PAK4: variants seen among roughly 807,000 people sequenced by gnomAD.
PAK4 encodes the protein serine/threonine-protein kinase PAK 4.
Under a neutral mutation model 53.5 loss-of-function variants are expected in PAK4, and 49 were observed. That is an observed-to-expected ratio of 0.92 (90% CI 0.73 to 1.16). PAK4 has a LOEUF of 1.16. Among genes scored for constraint, PAK4 ranks in the 50% most tolerant of loss-of-function variants. The probability of loss-of-function intolerance (pLI) is 0.00; values close to 1 mark genes in which losing one functional copy is unlikely to be tolerated. For missense variants in PAK4, 824 were observed against 850.7 expected (o/e 0.97, Z 0.39); for synonymous variants, 376 against 375.6 (o/e 1.00, Z -0.01).
At chr19:39,148,353 G>A (rs1329975325) in intron 1 of PAK4, among the ~76,000 whole-genome samples, 4 of 151,164 alleles carry the variant, frequency 2.6e-5, no homozygotes, top group Admixed American at 2.6e-4. Flanking sequence ...ACGGACTTTT[G>A]CAGAGCAAAA....
chr19:39,146,415 A>G (rs2073999965), intron 1 of PAK4, among the ~76,000 whole-genome samples: 2 of 152,240 alleles, frequency 1.3e-5, no homozygotes, highest in Non-Finnish European at 2.9e-5. Context: ...ACATTGTCCC[A>G]AGGAGAGCAA....
In PAK4 at chr19:39,178,353, G is replaced by T; in HGVS notation, c.1621-71G>T. The T allele has an allele frequency of 6.6e-7, 1 of 1,508,340 alleles. No homozygotes were observed. The highest frequency in any genetic ancestry group is 1.2e-5 in the South Asian group (1 of 82,224). 93.4% of individuals were successfully genotyped at this position (1,508,340 alleles called of 1,614,324 possible). On this transcript the variant is annotated intron_variant, in intron 8 of 8. Coordinates refer to ENST00000358301, the Ensembl canonical transcript of PAK4. This position sits in a 1 kb window ranked among gnomAD's most constrained non-coding sequence, Gnocchi z 4.4. ...TGCCGCCAGCCGACTTGGCAGAGGC[G>T]GACACTGCAGCCCTACAGCAAATGA...
chr19:39,135,498 G>A (rs184318622), intron 1 of PAK4, among the ~76,000 whole-genome samples: 1 of 151,992 alleles, frequency 6.6e-6, no homozygotes, highest in Admixed American at 6.5e-5. Flanking sequence ...ACCACGCACG[G>A]CTAATTTTGT....
intron 1 of PAK4, among the ~76,000 whole-genome samples, chr19:39,153,420 G>A (rs2074125606): frequency 1.3e-5 from 2 of 151,590 alleles, no homozygotes; most frequent in South Asian, 2.1e-4. Context: ...CACCACACCC[G>A]GCTAATTTTT....
chr19:39,144,172 AGAT>A (rs2073962103), intron 1 of PAK4, among the ~76,000 whole-genome samples: 1 of 70,136 alleles, frequency 1.4e-5, no homozygotes, highest in East Asian at 2.9e-4. Flanking sequence ...TAGATTAGAT[AGAT>A]AGATAGATAG....
Position 39,131,660 on chromosome 19 carries a change from C to T in PAK4, c.-23+5741C>T, listed in dbSNP as rs1434361552. On this transcript the variant is annotated intron_variant, in intron 1 of 8. Coordinates refer to ENST00000358301, the Ensembl canonical transcript of PAK4. ...CCAGGGGAGCCAGCGCTGGCGGATGCGACAGAAGCCACCGCTCACTGAAGC... is the reference window on the plus strand; with the variant it reads ...CCAGGGGAGCCAGCGCTGGCGGATGTGACAGAAGCCACCGCTCACTGAAGC... Among the ~76,000 whole-genome samples the T allele has an allele frequency of 2.6e-5, 4 of 152,286 alleles. No homozygotes were observed. In the East Asian group the frequency reaches 5.8e-4, roughly 22 times the overall value.
At chr19:39,141,689 C>T (rs1600324290) in intron 1 of PAK4, among the ~76,000 whole-genome samples, 1 of 151,978 alleles carries the variant, frequency 6.6e-6, no homozygotes, top group East Asian at 1.9e-4. Context: ...GGCTGGAGTG[C>T]GGTGGCACGA....
chr19:39,158,167 GTT>G (rs2074221404), intron 1 of PAK4, among the ~76,000 whole-genome samples: 1 of 151,782 alleles, frequency 6.6e-6, no homozygotes, highest in African/African-American at 2.4e-5. Context: ...ATGTGTGCAT[GTT>G]TGTGAGTGTG....
chr19:39,143,464 G>A (rs1158961419), intron 1 of PAK4, among the ~76,000 whole-genome samples: 2 of 151,280 alleles, frequency 1.3e-5, no homozygotes, highest in South Asian at 2.1e-4. Context: ...GAGGTGGCAG[G>A]TGCCTGTAAT....
chr19:39,175,582 T>A lies in PAK4; in HGVS notation c.1359+144T>A. On this transcript the variant is annotated intron_variant, in intron 6 of 8. Coordinates refer to ENST00000358301, the Ensembl canonical transcript of PAK4. The surrounding 1 kb of genome is among the most constrained non-coding windows in gnomAD (Gnocchi z 4.7). ...AGCTGGGAACTTCGTCCCTCCCTGG[T>A]GGAGCAGCCCAGAGTCAGGTTCCAG... is the stretch of plus-strand genomic sequence containing the variant. The A allele has an allele frequency of 1.1e-6, 1 of 888,908 alleles. No homozygotes were observed. Among genetic ancestry groups the A allele is most frequent in the Non-Finnish European group, 1.7e-6 (1 of 588,146 alleles). The allele number at this position is 888,908 out of a possible 1,614,324, so 55.1% of individuals were successfully genotyped here. A position where few individuals can be genotyped will look rare whatever the true frequency, so the allele number is the denominator to read the frequency against.
intron 2 of PAK4, among the ~76,000 whole-genome samples, chr19:39,171,526 G>A (rs1189739942): frequency 6.6e-6 from 1 of 152,208 alleles, no homozygotes; most frequent in African/African-American, 2.4e-5. Flanking sequence ...TAACAGCAAA[G>A]TCTGGCCTTG....
chr19:39,174,381 C>T (rs1020457775), intron 4 of PAK4, among the ~76,000 whole-genome samples: 2 of 151,750 alleles, frequency 1.3e-5, no homozygotes, highest in South Asian at 2.1e-4. Context: ...TCCTGGGTGT[C>T]CCTCGGCACA....
chr19:39,153,583 A>G (rs1179551738), intron 1 of PAK4, among the ~76,000 whole-genome samples: 1 of 152,158 alleles, frequency 6.6e-6, no homozygotes, highest in Admixed American at 6.5e-5. Flanking sequence ...CTGGGATTAC[A>G]GGCGCCTACC....
intron 2 of PAK4, among the ~76,000 whole-genome samples, chr19:39,170,293 C>G (rs1032973908): frequency 6.6e-6 from 1 of 151,670 alleles, no homozygotes; most frequent in Non-Finnish European, 1.5e-5. Flanking sequence ...CCAGCAGATG[C>G]TGGGGAAGCC....
rs1364745681 is a variant in PAK4, at chr19:39,165,195, G to GATGATGATAATAATAATAATA, written c.-22-4335_-22-4334insGATGATAATAATAATAATAAT. Among the ~76,000 whole-genome samples, 677 of 128,398 alleles carry GATGATGATAATAATAATAATA rather than the reference G, an allele frequency of 5.3e-3. 8 individuals carry two copies. The highest frequency in any genetic ancestry group is 0.019 in the African/African-American group (652 of 33,792). 84.2% of individuals were successfully genotyped at this position (128,398 alleles called of 152,430 possible). A position where few individuals can be genotyped will look rare whatever the true frequency, so the allele number is the denominator to read the frequency against. On this transcript the variant is annotated intron_variant, in intron 1 of 8. Transcript: ENST00000358301. ...GCCTTGAGAGGATGATGATGATGAT[G>GATGATGATAATAATAATAATA]ATAATAATAATAATAATAATAATAA...
At chr19:39,126,261 C>A (rs909261263) in intron 1 of PAK4, among the ~76,000 whole-genome samples, 1 of 151,926 alleles carries the variant, frequency 6.6e-6, no homozygotes, top group Admixed American at 6.6e-5. Flanking sequence ...GCCCCAGGGG[C>A]GCCAGGTTGG....
intron 1 of PAK4, among the ~76,000 whole-genome samples, chr19:39,134,234 A>G (rs2073768678): frequency 1.3e-5 from 2 of 152,262 alleles, no homozygotes; most frequent in South Asian, 4.1e-4. Flanking sequence ...ATGCCCATAG[A>G]AAAGTGCATA....
At chr19:39,130,685 C>CA (rs950762947) in intron 1 of PAK4, among the ~76,000 whole-genome samples, 4 of 150,634 alleles carry the variant, frequency 2.7e-5, no homozygotes, top group African/African-American at 9.8e-5. Flanking sequence ...AATAAAAAAG[C>CA]AAAAAAAAGA....
intron 4 of PAK4, 150 bp from the exon 6 acceptor site, chr19:39,174,781 G>A (rs557562912): frequency 6.0e-6 from 5 of 839,658 alleles, no homozygotes; most frequent in South Asian, 5.0e-5. Flanking sequence ...GGCCCACGTG[G>A]CTGTGGCAGT....
Sources: gnomAD v4.1 joint callset for allele counts (sites outside exome capture counted in the v4.1 genomes callset) on GRCh38, gnomAD v4.1.1 for gene constraint, Gnocchi (gnomAD v3.1) non-coding constraint, MANE v1.5 for transcripts, NCBI Gene and HGNC (gene_info 2026-07-23, HGNC 2026-07-21) for gene names.